The following B3GALT1 variants were observed in gnomAD, a reference collection of about 807,000 sequenced individuals.
The protein encoded by B3GALT1 is beta-1,3-galactosyltransferase 1, also known as UDP-Gal:betaGlcNAc beta 1,3-galactosyltransferase, polypeptide 1.
In B3GALT1, 10 loss-of-function variants were observed where a neutral mutation model predicts 23.2. That is an observed-to-expected ratio of 0.43 (90% CI 0.27 to 0.73). B3GALT1 has a LOEUF of 0.73. Among genes scored for constraint, B3GALT1 ranks in the 30% least tolerant of loss-of-function variants. The pLI is 0.21. For missense variants in B3GALT1, 299 were observed against 405.4 expected (o/e 0.74, Z 2.25); for synonymous variants, 156 against 141.5 (o/e 1.10, Z -0.73).
intron 1 of B3GALT1, among the ~76,000 whole-genome samples, chr2:167,393,995 C>A (rs547950284): frequency 6.6e-6 from 1 of 152,300 alleles, no homozygotes; most frequent in East Asian, 1.9e-4. Context: ...GGATGGCTCA[C>A]ATTGCAGAAA....
intron 3 of B3GALT1, among the ~76,000 whole-genome samples, chr2:167,704,122 A>G (rs1319310725): frequency 2.0e-5 from 3 of 150,154 alleles, no homozygotes; most frequent in Admixed American, 1.3e-4. Context: ...CGGAGCTTGC[A>G]ATGAGCCGAG....
chr2:167,611,693 A>G (rs1685069615), intron 2 of B3GALT1, among the ~76,000 whole-genome samples: 1 of 152,032 alleles, frequency 6.6e-6, no homozygotes, highest in South Asian at 2.1e-4. Flanking sequence ...TTTCTAAGGA[A>G]GAGCAGCGCC....
At chr2:167,522,005 T>TAC (rs1553464226) in intron 2 of B3GALT1, among the ~76,000 whole-genome samples, 18 of 144,964 alleles carry the variant, frequency 1.2e-4, no homozygotes, top group East Asian at 4.1e-4. Flanking sequence ...TATATATATA[T>TAC]ACACATATAT....
chr2:167,574,728 A>T (rs141261650), intron 2 of B3GALT1, among the ~76,000 whole-genome samples: 42 of 151,878 alleles, frequency 2.8e-4, no homozygotes, highest in African/African-American at 9.9e-4. Context: ...TAGGAAGTGT[A>T]TAGGGCATAA....
intron 1 of B3GALT1, among the ~76,000 whole-genome samples, chr2:167,334,330 A>G (rs1324203607): frequency 6.6e-6 from 1 of 152,218 alleles, no homozygotes; most frequent in African/African-American, 2.4e-5. Context: ...GTTGGAAAGT[A>G]AAAGGACTCT....
chr2:167,591,568 C>G (rs943070188), intron 2 of B3GALT1, among the ~76,000 whole-genome samples: 25 of 152,254 alleles, frequency 1.6e-4, no homozygotes, highest in African/African-American at 6.0e-4. Context: ...CTCCTGGGCT[C>G]GAGCAATCCT....
intron 1 of B3GALT1, among the ~76,000 whole-genome samples, chr2:167,445,847 C>A (rs1698978939): frequency 6.6e-6 from 1 of 152,132 alleles, no homozygotes; most frequent in Non-Finnish European, 1.5e-5. Flanking sequence ...TTAATTGGAG[C>A]ATTTAGCCCA....
At chr2:167,703,770 A>C (rs1452928360) in intron 3 of B3GALT1, among the ~76,000 whole-genome samples, 3 of 152,212 alleles carry the variant, frequency 2.0e-5, no homozygotes, top group Non-Finnish European at 1.5e-5. Flanking sequence ...CAAAGGGCTA[A>C]GGGAAACCTC....
intron 1 of B3GALT1, among the ~76,000 whole-genome samples, chr2:167,473,877 TAGC>T (rs1699453109): frequency 1.3e-5 from 2 of 152,012 alleles, no homozygotes; most frequent in African/African-American, 2.4e-5. Flanking sequence ...TGTCGTAGAG[TAGC>T]GTAGAGACAC....
At position 167,630,308 on chromosome 2, in the gene B3GALT1, C is replaced by G. The variant is rs535742785; in HGVS notation, c.-409-16601C>G. ...AACAGGGTTGATCTCTTCATAAAGTCAGTGTCATCCTTAAAAAATGTATGA... is the reference window on the plus strand; with the variant it reads ...AACAGGGTTGATCTCTTCATAAAGTGAGTGTCATCCTTAAAAAATGTATGA... On this transcript the variant is annotated intron_variant, in intron 2 of 4. Coordinates refer to ENST00000392690, the MANE Select transcript of B3GALT1 (RefSeq NM_020981.4). 4.6e-5 allele frequency among the ~76,000 whole-genome samples: 7 copies of G among 151,658 alleles called. No homozygotes were observed. In the South Asian group the frequency reaches 1.0e-3, roughly 23 times the overall value.
chr2:167,583,251 G>A lies in B3GALT1; in HGVS notation c.-409-63658G>A, dbSNP rs1466563375. Among the ~76,000 whole-genome samples the A allele has an allele frequency of 2.0e-5, 3 of 152,218 alleles. No homozygotes were observed. The South Asian group carries it at 6.2e-4, about 32-fold the overall frequency. On this transcript the variant is annotated intron_variant, in intron 2 of 4. Coordinates refer to ENST00000392690, the MANE Select transcript of B3GALT1 (RefSeq NM_020981.4). ...TTTTGTCCCCCCTTGTCCCTTGGAT[G>A]CCAGGGGCAGACATTTCTTTTATTG...
chr2:167,452,045 C>G (rs112546812), intron 1 of B3GALT1, among the ~76,000 whole-genome samples: 5 of 152,054 alleles, frequency 3.3e-5, no homozygotes, highest in Non-Finnish European at 5.9e-5. Flanking sequence ...CCAACAGCAC[C>G]GGGTTTATTT....
At chr2:167,790,212 T>C (rs1316340896) in intron 3 of B3GALT1, among the ~76,000 whole-genome samples, 2 of 152,178 alleles carry the variant, frequency 1.3e-5, no homozygotes, top group African/African-American at 4.8e-5. Context: ...CAGCCCCGCT[T>C]TTGAGAAATA....
intron 1 of B3GALT1, among the ~76,000 whole-genome samples, chr2:167,442,177 A>G (rs1176511008): frequency 3.3e-5 from 5 of 151,902 alleles, no homozygotes; most frequent in South Asian, 2.1e-4. Context: ...ATGATTTCCA[A>G]TTTCATCCAT....
chr2:167,459,877 A>G lies in B3GALT1; in HGVS notation c.-510-30300A>G, dbSNP rs71428976. On this transcript the variant is annotated intron_variant, in intron 1 of 4. Transcript: ENST00000392690. The stretch of plus-strand genomic sequence containing the variant: ...TTTGCTGATATAGGATTCTTGGTTG[A>G]CAGGGTGTTTTTGTTTTTGTTTTTG... 9.1e-3 allele frequency among the ~76,000 whole-genome samples: 1,387 copies of G among 152,172 alleles called. 26 individuals are homozygous for G. The highest frequency in any genetic ancestry group is 9.0e-3 in the Non-Finnish European group (611 of 67,976).
intron 1 of B3GALT1, among the ~76,000 whole-genome samples, chr2:167,337,349 TCA>T (rs142608625): frequency 0.017 from 2,587 of 151,672 alleles, 85 homozygotes; most frequent in African/African-American, 0.059. Flanking sequence ...AAATGCGTGC[TCA>T]CACACACACA....
At chr2:167,540,885 G>A (rs929699221) in intron 2 of B3GALT1, among the ~76,000 whole-genome samples, 2 of 152,140 alleles carry the variant, frequency 1.3e-5, no homozygotes, top group Non-Finnish European at 2.9e-5. Context: ...GGCAACAGTG[G>A]ATGTTAATAT....
In B3GALT1 at chr2:167,644,835, A is replaced by G. The variant is rs1353114941; in HGVS notation, c.-409-2074A>G. ...TACTGGCTTTTATTCTGGCTAATAC[A>G]TTCCTAATAGATTTTCTTTTGCACT... On this transcript the variant is annotated intron_variant, in intron 2 of 4. Coordinates refer to ENST00000392690, the MANE Select transcript of B3GALT1 (RefSeq NM_020981.4). Among the ~76,000 whole-genome samples the G allele has an allele frequency of 4.7e-5, 7 of 150,504 alleles. No individual in the cohort carries two copies. The East Asian group carries it at 1.2e-3, about 25-fold the overall frequency.
At chr2:167,360,851 C>G (rs929573167) in intron 1 of B3GALT1, among the ~76,000 whole-genome samples, 3 of 152,130 alleles carry the variant, frequency 2.0e-5, no homozygotes, top group African/African-American at 7.2e-5. Context: ...AACCAGCTCT[C>G]CAATGCCTCT....
Sources: allele counts gnomAD v4.1 joint callset (sites outside exome capture counted in the v4.1 genomes callset), GRCh38; gene constraint gnomAD v4.1.1; transcripts MANE v1.5; gene names NCBI Gene and HGNC (gene_info 2026-07-23, HGNC 2026-07-21).